The following MLYCD variants were observed in gnomAD, a reference collection of about 807,000 sequenced individuals.
MLYCD encodes malonyl-CoA decarboxylase.
MLYCD carries 27 observed loss-of-function variants against 35.8 expected under a neutral mutation model. The ratio of observed to expected loss-of-function variants is 0.75; its 90% CI spans 0.56 to 1.04. MLYCD has a LOEUF of 1.04. Among genes scored for constraint, MLYCD ranks in the 50% least tolerant of loss-of-function variants. The probability of loss-of-function intolerance (pLI) is 0.00; values close to 1 mark genes in which losing one functional copy is unlikely to be tolerated. For synonymous variants in MLYCD, 403 were observed against 302.4 expected, an observed-to-expected ratio of 1.33 and a Z score of -3.45; for missense variants, 917 against 665.1, an observed-to-expected ratio of 1.38 and a Z score of -4.17.
intron 3 of MLYCD, 65 bp from the exon 4 acceptor site, chr16:83,912,153 C>CA: frequency 1.2e-6 from 2 of 1,606,828 alleles, no homozygotes; most frequent in Non-Finnish European, 1.7e-6. Flanking sequence ...GTCCCAGCAA[C>CA]AGGCTTGCCT....
chr16:83,913,781 TCC>T (rs1212998456), intron 4 of MLYCD: 1 of 126,266 alleles, frequency 7.9e-6, no homozygotes, highest in Non-Finnish European at 1.6e-5. Context: ...ACCATTGCGC[TCC>T]AGCCTGGGAG....
intron 3 of MLYCD, among the ~76,000 whole-genome samples, chr16:83,909,576 G>A (rs1907098677): frequency 6.6e-6 from 1 of 151,114 alleles, no homozygotes; most frequent in Admixed American, 6.6e-5. Context: ...CACATTTTGT[G>A]TGTTATTGCC....
In MLYCD at chr16:83,917,175, GTC is replaced by G. The variant is rs1334959902; in HGVS notation, c.*1690_*1691del. 3 of 134,732 alleles carry G rather than the reference GTC, an allele frequency of 2.2e-5. No homozygotes were observed. Among genetic ancestry groups the G allele is most frequent in the South Asian group, 2.4e-4 (1 of 4,148 alleles). The allele number at this position is 134,732 out of a possible 1,614,324, so 8.3% of individuals were successfully genotyped here. On this transcript the variant is annotated 3_prime_UTR_variant, in exon 5 of 5. Coordinates refer to ENST00000262430, the MANE Select transcript of MLYCD (RefSeq NM_012213.3). ...CACGCCTGTGTGCGTGTGCACGAGC[GTC>G]TCTGTGTGTGTCAGTGCACGTCTGT...
intron 1 of MLYCD, among the ~76,000 whole-genome samples, chr16:83,905,547 A>C (rs745354824): frequency 4.0e-5 from 6 of 151,770 alleles, no homozygotes; most frequent in Non-Finnish European, 7.4e-5. Flanking sequence ...GCCGAGAAAA[A>C]CCTTCATCTC....
At chr16:83,911,864 G>A (rs4640171) in intron 3 of MLYCD, 60,302 of 328,534 alleles carry the variant, frequency 0.18, 6,450 homozygotes, top group East Asian at 0.36. Context: ...TCAAGGATCC[G>A]TGTGTTATCG....
chr16:83,923,661 A>AGATGAGGC lies in MLYCD; in HGVS notation c.*8182_*8189dup, dbSNP rs1053335773. 1 of 152,296 alleles carries AGATGAGGC rather than the reference A, an allele frequency of 6.6e-6. No individual in the cohort carries two copies. Among genetic ancestry groups the AGATGAGGC allele is most frequent in the Non-Finnish European group, 1.5e-5 (1 of 68,094 alleles). The allele number at this position is 152,296 out of a possible 1,614,324, so 9.4% of individuals were successfully genotyped here. A position where few individuals can be genotyped will look rare whatever the true frequency, so the allele number is the denominator to read the frequency against. On this transcript the variant is annotated 3_prime_UTR_variant, in exon 5 of 5. Transcript: ENST00000262430. ...GCTGGAGCGAGTGTTCCTCACTTAG[A>AGATGAGGC]GATGAGGCGATGAGGCGGCGAGCTG...
intron 4 of MLYCD, chr16:83,914,731 A>G (rs1907309738): frequency 5.1e-6 from 3 of 586,586 alleles, no homozygotes; most frequent in Admixed American, 5.7e-5. Flanking sequence ...GTGAGCCATG[A>G]TGACACCACT....
intron 3 of MLYCD, among the ~76,000 whole-genome samples, chr16:83,908,605 C>A (rs1907064782): frequency 6.6e-6 from 1 of 152,176 alleles, no homozygotes; most frequent in Admixed American, 6.5e-5. Flanking sequence ...ATACCTGATT[C>A]ATACATAGTT....
At chr16:83,914,737 C>A in intron 4 of MLYCD, 1 of 610,056 alleles carries the variant, frequency 1.6e-6, no homozygotes, top group Non-Finnish European at 2.8e-6. Context: ...CATGATGACA[C>A]CACTGCACTC....
intron 1 of MLYCD, among the ~76,000 whole-genome samples, chr16:83,906,105 G>A (rs906807125): frequency 1.3e-5 from 2 of 152,068 alleles, no homozygotes; most frequent in East Asian, 1.9e-4. Context: ...TGCCAGTTAC[G>A]GCGGGGCACA....
At chr16:83,906,518 T>G (rs543489558) in intron 1 of MLYCD, among the ~76,000 whole-genome samples, 28 of 152,268 alleles carry the variant, frequency 1.8e-4, no homozygotes, top group African/African-American at 6.5e-4. Flanking sequence ...CTGAACCAAG[T>G]ACTTGTCTTT....
In MLYCD at chr16:83,899,464, C is replaced by T. The variant is rs765450941; in HGVS notation, c.320C>T (p.Ala107Val). 3 of 1,537,918 alleles carry T rather than the reference C, an allele frequency of 2.0e-6. No individual in the cohort carries two copies. The African/African-American group carries it at 4.3e-5, about 22-fold the overall frequency. The change falls in exon 1 of 5, where the codon GCC becomes GTC. Residue 107 changes from alanine to valine, a missense_variant. Ala to Val is a moderately conservative substitution (Grantham distance 64). Coordinates refer to ENST00000262430, the MANE Select transcript of MLYCD (RefSeq NM_012213.3). ...CACGGCCAGGTGGCGGAGCAGAGCG[C>T]CGGCGTGCTCCATCTGCGCCAGCAG... ...VDHGQVAEQSAGVLHLRQQQR... is the reference protein window; with the variant it reads ...VDHGQVAEQSVGVLHLRQQQR...
rs756770156 is a variant in MLYCD at position 83,908,279 on chromosome 16, C to T, written c.795C>T (p.Ile265=). ...VALTGDISSN[I]QAIVKEHPPS... Reference sequence around the variant, plus strand: ...TGACTGGTGACATCTCCAGCAACATCCAGGTACCTGCGATGGTCAATTCGG... The same window carrying T: ...TGACTGGTGACATCTCCAGCAACATTCAGGTACCTGCGATGGTCAATTCGG... Residue 265 remains isoleucine, a synonymous_variant, in exon 3 of 5, where the codon ATC becomes ATT. Coordinates refer to ENST00000262430, the MANE Select transcript of MLYCD (RefSeq NM_012213.3). 1.2e-6 allele frequency: 2 copies of T among 1,614,002 alleles called. No individual in the cohort carries two copies. The highest frequency in any genetic ancestry group is 1.7e-6 in the Non-Finnish European group (2 of 1,180,028).
At chr16:83,902,089 G>A (rs1370727765) in intron 1 of MLYCD, among the ~76,000 whole-genome samples, 7 of 147,444 alleles carry the variant, frequency 4.7e-5, no homozygotes, top group Non-Finnish European at 1.0e-4. Flanking sequence ...CTTGTTCTAC[G>A]TAGTTGTTTT....
chr16:83,911,962 A>G (rs1907194517), intron 3 of MLYCD: 1 of 510,848 alleles, frequency 2.0e-6, no homozygotes, highest in Non-Finnish European at 3.5e-6. Flanking sequence ...TTGCTCTTCA[A>G]CAAAGTTTGC....
chr16:83,903,697 C>G (rs1197129825), intron 1 of MLYCD, among the ~76,000 whole-genome samples: 1 of 152,114 alleles, frequency 6.6e-6, no homozygotes, highest in East Asian at 1.9e-4. Flanking sequence ...GTAGTCCCTG[C>G]TACTTGGGAG....
rs1236474498 is a variant in MLYCD, at chr16:83,923,640, G to C, written c.*8151G>C. On this transcript the variant is annotated 3_prime_UTR_variant, in exon 5 of 5. Coordinates refer to ENST00000262430, the MANE Select transcript of MLYCD (RefSeq NM_012213.3). ...ATCACCGTGTCCAGCCCTGAAGCTG[G>C]AGCGAGTGTTCCTCACTTAGAGATG... 2.6e-5 allele frequency: 4 copies of C among 152,310 alleles called. No individual in the cohort carries two copies. Among genetic ancestry groups the C allele is most frequent in the Non-Finnish European group, 5.9e-5 (4 of 68,096 alleles). 9.4% of individuals were successfully genotyped at this position (152,310 alleles called of 1,614,324 possible). A position where few individuals can be genotyped will look rare whatever the true frequency, so the allele number is the denominator to read the frequency against.
At chr16:83,909,200 T>C (rs1269307445) in intron 3 of MLYCD, among the ~76,000 whole-genome samples, 1 of 152,180 alleles carries the variant, frequency 6.6e-6, no homozygotes, top group Non-Finnish European at 1.5e-5. Context: ...AAATTCAGAA[T>C]GTGCATTCCT....
At position 83,915,805 on chromosome 16, in the gene MLYCD, G is replaced by A; in HGVS notation, c.*316G>A. 7.9e-7 allele frequency: 1 copy of A among 1,272,088 alleles called. No homozygotes were observed. The highest frequency in any genetic ancestry group is 1.0e-6 in the Non-Finnish European group (1 of 997,488). The allele number at this position is 1,272,088 out of a possible 1,614,324, so 78.8% of individuals were successfully genotyped here. A position where few individuals can be genotyped will look rare whatever the true frequency, so the allele number is the denominator to read the frequency against. On this transcript the variant is annotated 3_prime_UTR_variant, in exon 5 of 5. Transcript: ENST00000262430. ...GGTGCTGTGGTACCTACATCTTCAG[G>A]AAGCTGTGCAGCCTCTGCCATTGCC...
Sources: allele counts gnomAD v4.1 joint callset (sites outside exome capture counted in the v4.1 genomes callset), GRCh38; gene constraint gnomAD v4.1.1; transcripts MANE v1.5; gene names NCBI Gene and HGNC (gene_info 2026-07-23, HGNC 2026-07-21).